Variants in PATJ observed in about 807,000 individuals in gnomAD.
PATJ encodes inaD-like protein.
PATJ carries 190 observed loss-of-function variants against 224.9 expected under a neutral mutation model. The ratio of observed to expected loss-of-function variants is 0.84; its 90% confidence interval spans 0.75 to 0.95. PATJ has a LOEUF of 0.95. PATJ is among the 40% of genes least tolerant of loss of function. The pLI is 0.00. For synonymous variants in PATJ, 769 were observed against 820.3 expected (o/e 0.94, Z 1.07); for missense variants, 2,121 against 2,270.3 (o/e 0.93, Z 1.34).
chr1:61,747,078 A>G (rs1157146901), intron 1 of PATJ, among the ~76,000 whole-genome samples: 1 of 152,200 alleles, frequency 6.6e-6, no homozygotes, highest in Non-Finnish European at 1.5e-5. Context: ...GGGGAAGCCA[A>G]AGTGGGATTT....
At chr1:61,911,695 T>TTATA (rs141530445) in intron 25 of PATJ, among the ~76,000 whole-genome samples, 3,513 of 140,556 alleles carry the variant, frequency 0.025, 142 homozygotes, top group South Asian at 0.19. Flanking sequence ...CTATATATTT[T>TTATA]TATATATATA....
At chr1:61,771,407 A>G (rs775511586) in intron 5 of PATJ, 24 bp from the exon 6 acceptor site, 4 of 1,495,818 alleles carry the variant, frequency 2.7e-6, no homozygotes, top group Non-Finnish European at 3.6e-6. Context: ...TCACTTAAAA[A>G]ATTTCTTTTC....
intron 27 of PATJ, among the ~76,000 whole-genome samples, chr1:61,962,583 G>C (rs1042382937): frequency 6.6e-6 from 1 of 152,194 alleles, no homozygotes; most frequent in African/African-American, 2.4e-5. Flanking sequence ...TTAGTTAGTA[G>C]AGGATTAATC....
In PATJ at chr1:61,882,896, T is replaced by C. The variant is rs77001570; in HGVS notation, c.2960-1341T>C. ...TCTGCTTTTAAACAATAAACCATTATAACACAGCTTAAATTCCTCTCCATA... is the reference window on the plus strand; with the variant it reads ...TCTGCTTTTAAACAATAAACCATTACAACACAGCTTAAATTCCTCTCCATA... On this transcript the variant is annotated intron_variant, in intron 21 of 43. Transcript: ENST00000642238. 9.9e-3 allele frequency among the ~76,000 whole-genome samples: 1,506 copies of C among 152,316 alleles called. 27 individuals are homozygous for C. Among genetic ancestry groups the C allele is most frequent in the African/African-American group, 0.035 (1,441 of 41,572 alleles).
intron 31 of PATJ, among the ~76,000 whole-genome samples, chr1:62,055,552 A>G (rs1423218510): frequency 2.0e-5 from 3 of 152,208 alleles, no homozygotes; most frequent in African/African-American, 7.2e-5. Context: ...TGAGTTGATA[A>G]CAGTAAAGTA....
chr1:61,982,994 G>A lies in PATJ; in HGVS notation c.3671-7174G>A, dbSNP rs138594659. ...GTCTATAGTTTCTACCCATAAATTA[G>A]CTTCATAACCTTATATGAGATTTTC... On this transcript the variant is annotated intron_variant, in intron 27 of 43. Coordinates refer to ENST00000642238, the MANE Select transcript of PATJ (RefSeq NM_001350145.3). Among the ~76,000 whole-genome samples, 411 of 150,304 alleles carry A rather than the reference G, an allele frequency of 2.7e-3. 3 individuals carry two copies. Among genetic ancestry groups the A allele is most frequent in the Middle Eastern group, 6.9e-3 (2 of 290 alleles).
At chr1:62,088,220 T>C (rs150374222) in intron 33 of PATJ, among the ~76,000 whole-genome samples, 1 of 152,166 alleles carries the variant, frequency 6.6e-6, no homozygotes, top group Non-Finnish European at 1.5e-5. Flanking sequence ...TCATCTGGTC[T>C]CTCAGCAGTT....
chr1:62,135,846 CAT>C, intron 41 of PATJ, among the ~76,000 whole-genome samples: 1 of 152,172 alleles, frequency 6.6e-6, no homozygotes, highest in Admixed American at 6.5e-5. Flanking sequence ...ATTGTACTAA[CAT>C]AGGCTTGAAG....
At position 61,878,808 on chromosome 1, in the gene PATJ, G is replaced by T. The variant is rs143157260; in HGVS notation, c.2959+3442G>T. On this transcript the variant is annotated intron_variant, in intron 21 of 43. Transcript: ENST00000642238. Reference sequence around the variant, plus strand: ...ATGGATTTTTTTTTTTTTTGAGACGGAGTCTCACTGTGTCACCCATGCTGG... The same window carrying T: ...ATGGATTTTTTTTTTTTTTGAGACGTAGTCTCACTGTGTCACCCATGCTGG... 2.3e-4 allele frequency among the ~76,000 whole-genome samples: 34 copies of T among 150,942 alleles called. 1 individual carries two copies. In the East Asian group the frequency reaches 6.4e-3, roughly 28 times the overall value.
chr1:61,959,368 CTTCTAT>C (rs1396617709), intron 27 of PATJ, among the ~76,000 whole-genome samples: 3 of 146,592 alleles, frequency 2.0e-5, no homozygotes, highest in African/African-American at 7.6e-5. Context: ...GAAATGACAA[CTTCTAT>C]TTCTATAAAG....
chr1:61,744,265 CAG>C (rs903891251), intron 1 of PATJ, among the ~76,000 whole-genome samples: 3 of 99,694 alleles, frequency 3.0e-5, no homozygotes, highest in African/African-American at 1.2e-4. Flanking sequence ...GCCTGGGTGA[CAG>C]AGCAAGAACC....
At chr1:61,966,294 ATCTGTTAGGG>A (rs1682129557) in intron 27 of PATJ, among the ~76,000 whole-genome samples, 1 of 152,108 alleles carries the variant, frequency 6.6e-6, no homozygotes, top group Non-Finnish European at 1.5e-5. Flanking sequence ...TTGAATGGTA[ATCTGTTAGGG>A]TCATAGTGTT....
intron 22 of PATJ, among the ~76,000 whole-genome samples, chr1:61,891,155 A>C (rs1264852264): frequency 1.3e-5 from 2 of 152,180 alleles, no homozygotes; most frequent in African/African-American, 4.8e-5. Context: ...ATGGAAAAAA[A>C]AATTATAGGT....
intron 28 of PATJ, among the ~76,000 whole-genome samples, chr1:61,994,471 A>T (rs558564772): frequency 6.4e-4 from 97 of 152,110 alleles, no homozygotes; most frequent in Non-Finnish European, 1.1e-3. Flanking sequence ...AGTCTGTCCC[A>T]TAGGGAAGTC....
chr1:61,966,920 T>G (rs2149448017), intron 27 of PATJ, among the ~76,000 whole-genome samples: 1 of 152,262 alleles, frequency 6.6e-6, no homozygotes, highest in South Asian at 2.1e-4. Context: ...GAGGTCACTC[T>G]CGTGGCCATC....
intron 22 of PATJ, among the ~76,000 whole-genome samples, chr1:61,891,136 A>G (rs1293411752): frequency 1.3e-5 from 2 of 152,162 alleles, no homozygotes; most frequent in African/African-American, 4.8e-5. Context: ...GAAGAAAGAC[A>G]TATTTAAAAT....
At chr1:61,999,217 G>A (rs555146792) in intron 28 of PATJ, among the ~76,000 whole-genome samples, 2 of 152,144 alleles carry the variant, frequency 1.3e-5, no homozygotes, top group African/African-American at 2.4e-5. Flanking sequence ...ATAACCTACT[G>A]GGATTGTTCT....
intron 30 of PATJ, among the ~76,000 whole-genome samples, chr1:62,045,090 G>A (rs1434163397): frequency 2.0e-5 from 3 of 152,058 alleles, no homozygotes; most frequent in Non-Finnish European, 2.9e-5. Context: ...GTGTGGTGGC[G>A]TGCGCCTGTA....
At chr1:62,151,597 A>G (rs1463327916) in intron 42 of PATJ, among the ~76,000 whole-genome samples, 1 of 152,162 alleles carries the variant, frequency 6.6e-6, no homozygotes, top group African/African-American at 2.4e-5. Context: ...TCTCAAAAAA[A>G]TAAATAAATA....
Sources: gnomAD v4.1 joint callset for allele counts (sites outside exome capture counted in the v4.1 genomes callset) on GRCh38, gnomAD v4.1.1 for gene constraint, MANE v1.5 for transcripts, NCBI Gene and HGNC (gene_info 2026-07-23, HGNC 2026-07-21) for gene names.